The following ADGRV1 variants were observed in gnomAD, a reference collection of about 807,000 sequenced individuals.
The protein encoded by ADGRV1 is G-protein coupled receptor 98.
Under a neutral mutation model 596.2 loss-of-function variants are expected in ADGRV1, and 359 were observed. The ratio of observed to expected loss-of-function variants is 0.60; its 90% CI spans 0.55 to 0.66. The LOEUF is 0.66. Among genes scored for constraint, ADGRV1 ranks in the 30% least tolerant of loss-of-function variants. The probability of loss-of-function intolerance (pLI) is 0.00; values close to 1 mark genes in which losing one functional copy is unlikely to be tolerated. For synonymous variants in ADGRV1, 2,681 were observed against 2,679.2 expected, an observed-to-expected ratio of 1.00 and a Z score of -0.02; for missense variants, 7,274 against 7,575.6, an observed-to-expected ratio of 0.96 and a Z score of 1.48.
intron 74 of ADGRV1, 85 bp from the exon 75 acceptor site, chr5:90,815,534 C>A: frequency 1.4e-6 from 1 of 714,236 alleles, no homozygotes; most frequent in Non-Finnish European, 2.4e-6. Context: ...ACTTTTAAAC[C>A]ATCTGAGCTG....
intron 85 of ADGRV1, among the ~76,000 whole-genome samples, chr5:91,044,814 C>T (rs2463775): frequency 0.62 from 94,194 of 151,958 alleles, 29,472 homozygotes; most frequent in South Asian, 0.68. Context: ...TAGCATTGAG[C>T]TGGATACAAA....
intron 69 of ADGRV1, among the ~76,000 whole-genome samples, chr5:90,790,227 T>G (rs1223616821): frequency 6.6e-6 from 1 of 152,224 alleles, no homozygotes; most frequent in Non-Finnish European, 1.5e-5. Flanking sequence ...TTAGCAACTG[T>G]TTTTTAAGAG....
At chr5:90,772,443 C>G (rs1318014639) in intron 59 of ADGRV1, among the ~76,000 whole-genome samples, 1 of 151,952 alleles carries the variant, frequency 6.6e-6, no homozygotes, top group Non-Finnish European at 1.5e-5. Flanking sequence ...TTAAATTTGC[C>G]CCCAAGTATA....
At chr5:90,999,458 A>C (rs777329063) in intron 85 of ADGRV1, among the ~76,000 whole-genome samples, 9 of 151,994 alleles carry the variant, frequency 5.9e-5, no homozygotes, top group Admixed American at 3.3e-4. Context: ...ATGCAGAATC[A>C]GGAAGATTAA....
intron 83 of ADGRV1, among the ~76,000 whole-genome samples, chr5:90,958,136 TAGAC>T (rs1187450177): frequency 2.7e-5 from 4 of 150,750 alleles, no homozygotes; most frequent in South Asian, 2.1e-4. Flanking sequence ...ATAAAAAAAT[TAGAC>T]AGGCCAGTGG....
chr5:90,837,360 ATTTTCTTTTTTT>A (rs746327482), intron 77 of ADGRV1, among the ~76,000 whole-genome samples: 10 of 144,940 alleles, frequency 6.9e-5, no homozygotes, highest in Admixed American at 5.5e-4. Context: ...TTCTATATTG[ATTTTCTTTTTTT>A]TTTTCTTTTT....
Position 90,720,035 on chromosome 5 carries a change from A to G in ADGRV1, c.9448-13A>G. 2 of 1,609,228 alleles carry G rather than the reference A, an allele frequency of 1.2e-6. No homozygotes were observed. Among genetic ancestry groups the G allele is most frequent in the Middle Eastern group, 1.7e-4 (1 of 6,056 alleles). On this transcript the variant is annotated splice_polypyrimidine_tract_variant and intron_variant, in intron 43 of 89. Transcript: ENST00000405460. ...TGTATTCTAGTAACCTTATCTTTTGATTTTGTTTTCAGGCCCTACAAATAT... is the reference window on the plus strand; with the variant it reads ...TGTATTCTAGTAACCTTATCTTTTGGTTTTGTTTTCAGGCCCTACAAATAT...
chr5:90,619,756 C>T (rs146198134), intron 4 of ADGRV1, among the ~76,000 whole-genome samples: 9,339 of 144,104 alleles, frequency 0.065, 378 homozygotes, highest in South Asian at 0.11. Flanking sequence ...CCCCCCTCCC[C>T]CTACCCCACA....
chr5:91,157,969 A>T (rs1395683010), intron 89 of ADGRV1, among the ~76,000 whole-genome samples: 2 of 152,186 alleles, frequency 1.3e-5, no homozygotes, highest in African/African-American at 2.4e-5. Flanking sequence ...GATTATGAGG[A>T]GGGGCAGCCA....
chr5:90,789,966 G>T (rs10942611), intron 69 of ADGRV1, 115 bp downstream of exon 69: 1 of 695,078 alleles, frequency 1.4e-6, no homozygotes, highest in Non-Finnish European at 2.1e-6. Context: ...CTAAAGTTAC[G>T]TGAGTTTTCA....
At chr5:90,966,944 G>A (rs1472639765) in intron 84 of ADGRV1, among the ~76,000 whole-genome samples, 2 of 152,132 alleles carry the variant, frequency 1.3e-5, no homozygotes. Context: ...ATGCATTCAG[G>A]CCCTTGCATA....
chr5:91,055,285 A>G (rs1420399906), intron 85 of ADGRV1, among the ~76,000 whole-genome samples: 1 of 152,024 alleles, frequency 6.6e-6, no homozygotes, highest in Admixed American at 6.6e-5. Flanking sequence ...AAACATTTGA[A>G]TAGCATGTAA....
chr5:90,807,558 A>G (rs1344736162), intron 72 of ADGRV1, 44 bp from the exon 73 acceptor site: 2 of 1,547,266 alleles, frequency 1.3e-6, no homozygotes, highest in Non-Finnish European at 1.8e-6. Context: ...CCAATTTAAG[A>G]AAAGAAATAA....
At position 90,789,794 on chromosome 5, in the gene ADGRV1, G is replaced by T; in HGVS notation, c.13986G>T (p.Gly4662=). The T allele has an allele frequency of 6.5e-7, 1 of 1,528,888 alleles. No homozygotes were observed. 94.7% of individuals were successfully genotyped at this position (1,528,888 alleles called of 1,614,324 possible). The change falls in exon 69 of 90, where the codon GGG becomes GGT. Residue 4662 remains glycine (G), a synonymous_variant. Transcript: ENST00000405460. Reference sequence around the variant, plus strand: ...ATTCAGAGCCTCTGGCTCTGGAAGGGCCCCTGCTCATTACCTTCTTTGTCA... The same window carrying T: ...ATTCAGAGCCTCTGGCTCTGGAAGGTCCCCTGCTCATTACCTTCTTTGTCA... ...KTYSEPLALE[G]PLLITFFVRR...
At chr5:90,886,717 T>A (rs1399420546) in intron 83 of ADGRV1, among the ~76,000 whole-genome samples, 1 of 152,182 alleles carries the variant, frequency 6.6e-6, no homozygotes, top group East Asian at 1.9e-4. Context: ...GATGACAAGT[T>A]TAACATCCGC....
chr5:90,695,491 A>G (rs1214670647), intron 33 of ADGRV1, among the ~76,000 whole-genome samples: 2 of 142,040 alleles, frequency 1.4e-5, no homozygotes, highest in Non-Finnish European at 3.0e-5. Flanking sequence ...TAAAAAACAT[A>G]GTGCTTTTCT....
At chr5:90,812,393 G>A (rs1290652050) in intron 74 of ADGRV1, among the ~76,000 whole-genome samples, 2 of 152,194 alleles carry the variant, frequency 1.3e-5, no homozygotes, top group Non-Finnish European at 2.9e-5. Flanking sequence ...AAGGAATGAT[G>A]TTATGATTAT....
At chr5:90,815,588 ATATAT>A (rs752560246) in intron 74 of ADGRV1, 26 bp from the exon 75 acceptor site, 1 of 1,213,384 alleles carries the variant, frequency 8.2e-7, no homozygotes, top group South Asian at 1.3e-5. Flanking sequence ...TAATTCTTGA[ATATAT>A]TATAGCCCTC....
intron 1 of ADGRV1, among the ~76,000 whole-genome samples, chr5:90,562,515 T>C (rs1221160090): frequency 1.3e-5 from 2 of 152,210 alleles, no homozygotes; most frequent in African/African-American, 4.8e-5. Context: ...CCGATTCTAC[T>C]GTGACACACT....
Sources: allele counts gnomAD v4.1 joint callset (sites outside exome capture counted in the v4.1 genomes callset), GRCh38; gene constraint gnomAD v4.1.1; transcripts MANE v1.5; gene names NCBI Gene and HGNC (gene_info 2026-07-23, HGNC 2026-07-21).